The following TDRD9 variants were observed in gnomAD, a reference collection of about 807,000 sequenced individuals.
TDRD9 encodes the protein tudor domain containing 9.
TDRD9 carries 124 observed loss-of-function variants against 172.6 expected under a neutral mutation model. The observed-to-expected ratio is 0.72, with a 90% CI of 0.62 to 0.83. The LOEUF (loss-of-function observed/expected upper bound fraction) is 0.83. TDRD9 is among the 40% of genes least tolerant of loss of function. TDRD9 has a pLI of 0.00. For synonymous variants in TDRD9, 619 were observed against 617.1 expected (o/e 1.00, Z -0.05); for missense variants, 1,479 against 1,714.1 (o/e 0.86, Z 2.42).
chr14:103,945,235 A>ATCT (rs2031497427), intron 1 of TDRD9, among the ~76,000 whole-genome samples: 2 of 152,192 alleles, frequency 1.3e-5, no homozygotes. Flanking sequence ...CTTGAAGGCA[A>ATCT]TCTTCCTTCT....
At chr14:104,006,906 TA>T in intron 18 of TDRD9, 61 bp downstream of exon 18, 1 of 1,405,512 alleles carries the variant, frequency 7.1e-7, no homozygotes, top group African/African-American at 1.4e-5. Context: ...TACATTTTCA[TA>T]CCACAAACAT....
chr14:104,045,761 C>A (rs111861742), intron 34 of TDRD9, among the ~76,000 whole-genome samples: 45 of 152,254 alleles, frequency 3.0e-4, no homozygotes, highest in African/African-American at 1.0e-3. Flanking sequence ...AGTGGGTCTG[C>A]CCCGGTGCCT....
chr14:103,941,659 C>T (rs926323250), intron 1 of TDRD9: 5 of 1,528,366 alleles, frequency 3.3e-6, no homozygotes, highest in African/African-American at 1.4e-5. Flanking sequence ...TTGTAGGAAT[C>T]GTTTTTGGGC....
At position 104,006,414 on chromosome 14, in the gene TDRD9, A is replaced by G. The variant is rs371340225; in HGVS notation, c.1739A>G (p.Gln580Arg). The G allele has an allele frequency of 3.0e-5, 49 of 1,613,768 alleles. No homozygotes were observed. Among genetic ancestry groups the G allele is most frequent in the East Asian group, 8.9e-5 (4 of 44,884 alleles). ...GTTGGAGCACTTGCAGTGAGTGGGCAGAGAGAAGATGAAAACCCCCATGAT... is the reference window on the plus strand; with the variant it reads ...GTTGGAGCACTTGCAGTGAGTGGGCGGAGAGAAGATGAAAACCCCCATGAT... ...KEVGALAVSG[Q>R]REDENPHDGE... Residue 580 changes from glutamine (Q) to arginine (R), a missense_variant, in exon 16 of 36, where the codon CAG becomes CGG. This residue lies in a region of TDRD9 where 1,413 missense variants were observed against 1,649.1 expected (regional missense o/e 0.86). Coordinates refer to ENST00000409874, the MANE Select transcript of TDRD9 (RefSeq NM_153046.3).
chr14:103,986,587 G>GATA (rs2033668842), intron 8 of TDRD9, among the ~76,000 whole-genome samples: 1 of 152,184 alleles, frequency 6.6e-6, no homozygotes, highest in African/African-American at 2.4e-5. Context: ...AGTTTTTCCA[G>GATA]ACATATAGGG....
At chr14:103,981,563 C>T (rs774095543) in intron 7 of TDRD9, among the ~76,000 whole-genome samples, 4 of 152,200 alleles carry the variant, frequency 2.6e-5, no homozygotes, top group Non-Finnish European at 5.9e-5. Flanking sequence ...CAACACTTAG[C>T]TGTATACAGA....
intron 34 of TDRD9, among the ~76,000 whole-genome samples, chr14:104,042,413 G>GC (rs2035636905): frequency 6.6e-6 from 1 of 152,116 alleles, no homozygotes; most frequent in South Asian, 2.1e-4. Flanking sequence ...GACAGCGTGG[G>GC]CAGGGCATGG....
intron 32 of TDRD9, among the ~76,000 whole-genome samples, chr14:104,036,176 G>A (rs1162167017): frequency 6.6e-6 from 1 of 151,784 alleles, no homozygotes; most frequent in African/African-American, 2.4e-5. Context: ...CAAATACCAG[G>A]TTTTTCATAT....
intron 6 of TDRD9, among the ~76,000 whole-genome samples, chr14:103,972,989 G>A (rs906276305): frequency 6.6e-6 from 1 of 152,164 alleles, no homozygotes; most frequent in Non-Finnish European, 1.5e-5. Flanking sequence ...TTTTACTCAA[G>A]TCAGAATAAT....
intron 1 of TDRD9, among the ~76,000 whole-genome samples, chr14:103,952,190 G>GTATATATATATA (rs1566734586): frequency 4.1e-4 from 23 of 55,508 alleles, no homozygotes; most frequent in East Asian, 1.2e-3. Context: ...GCGTGTGTGT[G>GTATATATATATA]TATATATATA....
At position 104,023,720 on chromosome 14, in the gene TDRD9, C is replaced by T. The variant is rs552118886; in HGVS notation, c.2607-849C>T. Among the ~76,000 whole-genome samples the T allele has an allele frequency of 3.3e-5, 5 of 152,346 alleles. No homozygotes were observed. The East Asian group carries it at 9.6e-4, about 29-fold the overall frequency. The stretch of plus-strand genomic sequence containing the variant: ...GTAGAGTTTTCAGTTCTGGGAGGAA[C>T]TTAACAGGAATCTGAGGAGTTGGTG... On this transcript the variant is annotated intron_variant, in intron 24 of 35. Transcript: ENST00000409874.
At position 103,975,311 on chromosome 14, in the gene TDRD9, A is replaced by G. The variant is rs556555238; in HGVS notation, c.847-78A>G. The G allele has an allele frequency of 2.9e-6, 4 of 1,397,008 alleles. No individual in the cohort carries two copies. In the Admixed American group the frequency reaches 9.1e-5, roughly 32 times the overall value. 86.5% of individuals were successfully genotyped at this position (1,397,008 alleles called of 1,614,324 possible). On this transcript the variant is annotated intron_variant, in intron 6 of 35. Transcript: ENST00000409874. ...TGTTAGATAAGGAGTGAAGCAGAAGAAAAGCCTGCAGTTTTAGAAGTATTT... is the reference window on the plus strand; with the variant it reads ...TGTTAGATAAGGAGTGAAGCAGAAGGAAAGCCTGCAGTTTTAGAAGTATTT...
rs564609944 is a variant in TDRD9 at position 104,033,203 on chromosome 14, G to A, written c.3510-757G>A. Reference sequence around the variant, plus strand: ...TTGTCTTCTCAAAATGTCTTCCGGGGAGCACATTGGAAATGCAGATGCCCA... The same window carrying A: ...TTGTCTTCTCAAAATGTCTTCCGGGAAGCACATTGGAAATGCAGATGCCCA... On this transcript the variant is annotated intron_variant, in intron 30 of 35. Coordinates refer to ENST00000409874, the MANE Select transcript of TDRD9 (RefSeq NM_153046.3). Among the ~76,000 whole-genome samples the A allele has an allele frequency of 2.6e-4, 39 of 152,238 alleles. 2 individuals carry two copies. The highest frequency in any genetic ancestry group is 9.1e-4 in the African/African-American group (38 of 41,546).
intron 33 of TDRD9, among the ~76,000 whole-genome samples, chr14:104,041,857 T>C: frequency 6.6e-6 from 1 of 152,196 alleles, no homozygotes. Flanking sequence ...ATTTGAAAAC[T>C]AGCATCCACA....
chr14:103,947,185 G>A (rs947633061), intron 1 of TDRD9, among the ~76,000 whole-genome samples: 3 of 152,092 alleles, frequency 2.0e-5, no homozygotes, highest in South Asian at 2.1e-4. Flanking sequence ...GCATAAAGAC[G>A]CATAGACCAA....
chr14:104,028,933 G>C (rs2035202396), intron 28 of TDRD9, among the ~76,000 whole-genome samples: 1 of 152,192 alleles, frequency 6.6e-6, no homozygotes, highest in Non-Finnish European at 1.5e-5. Flanking sequence ...CTATTGAAGA[G>C]ACTCTCCTTT....
rs2035139113 is a variant in TDRD9 at position 104,026,881 on chromosome 14, G to A, written c.3224G>A (p.Arg1075Lys). 2 of 1,614,044 alleles carry A rather than the reference G, an allele frequency of 1.2e-6. No homozygotes were observed. The highest frequency in any genetic ancestry group is 2.2e-5 in the East Asian group (1 of 44,880). ...GGGGTCCAGGATGCCATCAACATAA[G>A]AGACGTCCTCATCCAGCAGGGCTAT... The part of the protein sequence containing the change: ...YSGVQDAINI[R>K]DVLIQQGYAE... Residue 1075 changes from arginine (R) to lysine (K), a missense_variant, in exon 28 of 36, where the codon AGA becomes AAA. Arg to Lys is a conservative substitution (Grantham distance 26). This residue lies in a region of TDRD9 where 1,413 missense variants were observed against 1,649.1 expected (regional missense o/e 0.86). Transcript: ENST00000409874.
chr14:103,975,812 T>C (rs1041379308), intron 7 of TDRD9, among the ~76,000 whole-genome samples: 4 of 152,228 alleles, frequency 2.6e-5, no homozygotes, highest in Admixed American at 6.5e-5. Context: ...TTTATCTTTG[T>C]GGTGGGAACA....
chr14:103,930,675 C>G (rs2030324993), intron 1 of TDRD9, among the ~76,000 whole-genome samples: 1 of 152,104 alleles, frequency 6.6e-6, no homozygotes, highest in Admixed American at 6.6e-5. Flanking sequence ...TTTGGAGTTG[C>G]TGTTTGTATG....
Sources: gnomAD v4.1 joint callset for allele counts (sites outside exome capture counted in the v4.1 genomes callset) on GRCh38, gnomAD v4.1.1 for gene constraint, gnomAD v4.1.1 regional missense constraint, MANE v1.5 for transcripts, NCBI Gene and HGNC (gene_info 2026-07-23, HGNC 2026-07-21) for gene names.